Variants in C7orf78 observed in about 807,000 individuals in gnomAD.
C7orf78 encodes chromosome 7 open reading frame 78.
the C7orf78 span, among the ~76,000 whole-genome samples, chr7:12,488,862 T>G: frequency 1.3e-5 from 2 of 151,810 alleles, no homozygotes; most frequent in Non-Finnish European, 2.9e-5. Context: ...AGTATTATTT[T>G]CAGAGAAATT....
chr7:12,506,463 A>T, the C7orf78 span, among the ~76,000 whole-genome samples: 12 of 152,324 alleles, frequency 7.9e-5, no homozygotes, highest in Non-Finnish European at 1.8e-4. Context: ...ATGCAGCCAT[A>T]AAAAATGATG....
the C7orf78 span, among the ~76,000 whole-genome samples, chr7:12,537,710 C>A: frequency 6.6e-6 from 1 of 151,978 alleles, no homozygotes; most frequent in African/African-American, 2.4e-5. Flanking sequence ...TTGTGATAAC[C>A]TTTACATTAG....
the C7orf78 span, chr7:12,507,604 G>C: frequency 3.3e-5 from 5 of 152,862 alleles, no homozygotes; most frequent in African/African-American, 1.2e-4. Flanking sequence ...TTGAAAACTT[G>C]TTTTTAGGGA....
At chr7:12,510,892 C>T in the C7orf78 span, among the ~76,000 whole-genome samples, 3 of 152,104 alleles carry the variant, frequency 2.0e-5, no homozygotes, top group African/African-American at 4.8e-5. Flanking sequence ...TTTAGTTGAA[C>T]ATTGTCCCAT....
At chr7:12,516,169 A>C in the C7orf78 span, among the ~76,000 whole-genome samples, 6 of 152,322 alleles carry the variant, frequency 3.9e-5, no homozygotes, top group Admixed American at 3.9e-4. Flanking sequence ...GGGTCTCTGT[A>C]CTACGTGCAG....
chr7:12,514,940 T>A, the C7orf78 span, among the ~76,000 whole-genome samples: 6 of 152,218 alleles, frequency 3.9e-5, no homozygotes, highest in Non-Finnish European at 8.8e-5. Context: ...TCTGAACACA[T>A]CATCCCATTC....
the C7orf78 span, among the ~76,000 whole-genome samples, chr7:12,505,589 C>A: frequency 6.6e-6 from 1 of 152,048 alleles, no homozygotes; most frequent in Non-Finnish European, 1.5e-5. Context: ...GCAGATAAAG[C>A]CATTCTTTTA....
At chr7:12,538,283 T>C in the C7orf78 span, 1 of 152,224 alleles carries the variant, frequency 6.6e-6, no homozygotes, top group Non-Finnish European at 1.5e-5. Flanking sequence ...ATTTGTTTGC[T>C]GTTTTCAACA....
chr7:12,502,516 A>G, the C7orf78 span, among the ~76,000 whole-genome samples: 1 of 150,342 alleles, frequency 6.7e-6, no homozygotes, highest in Non-Finnish European at 1.5e-5. Context: ...AGAAATGCAA[A>G]TCAAAACCAC....
chr7:12,503,609 C>T, the C7orf78 span, among the ~76,000 whole-genome samples: 2 of 144,580 alleles, frequency 1.4e-5, no homozygotes, highest in African/African-American at 5.1e-5. Flanking sequence ...AGTTTTCTTT[C>T]TTTTTTTTTT....
At chr7:12,525,413 C>A in the C7orf78 span, among the ~76,000 whole-genome samples, 1 of 151,946 alleles carries the variant, frequency 6.6e-6, no homozygotes, top group Non-Finnish European at 1.5e-5. Context: ...AAGTTCAGCT[C>A]CAGAAAAATA....
the C7orf78 span, among the ~76,000 whole-genome samples, chr7:12,505,179 G>A: frequency 1.3e-5 from 2 of 151,794 alleles, no homozygotes; most frequent in Non-Finnish European, 2.9e-5. Context: ...TAGATGTTTG[G>A]GTTTTACATA....
At chr7:12,494,030 A>G in the C7orf78 span, among the ~76,000 whole-genome samples, 138 of 152,340 alleles carry the variant, frequency 9.1e-4, no homozygotes, top group African/African-American at 3.2e-3. Flanking sequence ...GATGAGTCAT[A>G]AAAGAGAATA....
chr7:12,523,486 T>A, the C7orf78 span: 1 of 397,126 alleles, frequency 2.5e-6, no homozygotes, highest in Non-Finnish European at 4.4e-6. Context: ...TATGTATTAT[T>A]TTTTATTCAT....
chr7:12,483,556 T>A, the C7orf78 span: 1 of 152,110 alleles, frequency 6.6e-6, no homozygotes, highest in Non-Finnish European at 1.5e-5. Flanking sequence ...GGTTTCTAGC[T>A]GCTACAAATC....
chr7:12,488,848 G>A, the C7orf78 span, among the ~76,000 whole-genome samples: 1 of 151,326 alleles, frequency 6.6e-6, no homozygotes, highest in African/African-American at 2.4e-5. Context: ...AATGTTTCTT[G>A]TAAAGTATTA....
At chr7:12,509,876 G>T in the C7orf78 span, among the ~76,000 whole-genome samples, 1 of 152,012 alleles carries the variant, frequency 6.6e-6, no homozygotes, top group Non-Finnish European at 1.5e-5. Context: ...CCTGAGATCA[G>T]GACAAAAATT....
At chr7:12,541,768 T>C in the C7orf78 span, 2 of 152,168 alleles carry the variant, frequency 1.3e-5, no homozygotes, top group Admixed American at 6.5e-5. Context: ...AGTATGTTTA[T>C]GGCATATTGA....
the C7orf78 span, among the ~76,000 whole-genome samples, chr7:12,484,868 A>T: frequency 6.6e-6 from 1 of 152,184 alleles, no homozygotes. Flanking sequence ...TTTTTAATTT[A>T]AATGCTCCTC....
Sources: gnomAD v4.1 joint callset for allele counts (sites outside exome capture counted in the v4.1 genomes callset) on GRCh38, gnomAD v4.1.1 for gene constraint, MANE v1.5 for transcripts, NCBI Gene and HGNC (gene_info 2026-07-23, HGNC 2026-07-21) for gene names.